The following CERS3 variants were observed in gnomAD, a reference collection of about 807,000 sequenced individuals.
CERS3 encodes ceramide synthase 3, also known as LAG1 homolog, ceramide synthase 3.
A neutral mutation model predicts 50.3 loss-of-function variants in CERS3; 33 were observed. That is an observed-to-expected ratio of 0.66 (90% confidence interval 0.50 to 0.88). CERS3 has a LOEUF of 0.88. Among genes scored for constraint, CERS3 ranks in the 40% least tolerant of loss-of-function variants. CERS3 has a pLI of 0.00. For missense variants in CERS3, 470 were observed against 460.3 expected, an observed-to-expected ratio of 1.02 and a Z score of -0.19; for synonymous variants, 176 against 155.2, an observed-to-expected ratio of 1.13 and a Z score of -0.99.
rs761337859 is a variant in CERS3 at position 100,479,498 on chromosome 15, A to G, written c.466-20T>C. 5.7e-6 allele frequency: 9 copies of G among 1,582,484 alleles called. No homozygotes were observed. The highest frequency in any genetic ancestry group is 4.1e-5 in the African/African-American group (3 of 72,742). ...AGGTTTCTGAAAGAAGAAAAAAAAA[A>G]AGAGCCAACAGATGAGAAATAAATT... On this transcript the variant is annotated intron_variant, in intron 6 of 11. Transcript: ENST00000679737.
At chr15:100,413,017 A>G (rs1596610443) in intron 11 of CERS3, among the ~76,000 whole-genome samples, 1 of 152,188 alleles carries the variant, frequency 6.6e-6, no homozygotes, top group East Asian at 1.9e-4. Context: ...AAATGCATAG[A>G]TTTTTTTCAT....
At chr15:100,441,745 A>G (rs1461742496) in intron 11 of CERS3, among the ~76,000 whole-genome samples, 2 of 152,118 alleles carry the variant, frequency 1.3e-5, no homozygotes, top group Admixed American at 6.5e-5. Flanking sequence ...TTCTTTTCGT[A>G]AAATAGGCAA....
intron 7 of CERS3, among the ~76,000 whole-genome samples, chr15:100,476,429 C>T (rs1345164363): frequency 1.3e-5 from 2 of 152,090 alleles, no homozygotes; most frequent in South Asian, 2.1e-4. Context: ...AATACAACTG[C>T]CACAGGTGTA....
At chr15:100,495,479 C>T (rs1367599985) in intron 3 of CERS3, among the ~76,000 whole-genome samples, 1 of 152,142 alleles carries the variant, frequency 6.6e-6, no homozygotes, top group African/African-American at 2.4e-5. Context: ...CTTACTCTGA[C>T]ATTTTTGCTA....
intron 5 of CERS3, among the ~76,000 whole-genome samples, chr15:100,483,366 C>T (rs565066867): frequency 7.1e-4 from 108 of 152,252 alleles, no homozygotes; most frequent in African/African-American, 2.6e-3. Context: ...ATGTTACCCC[C>T]TTCTTAAAAT....
chr15:100,449,361 C>T (rs542103111), intron 11 of CERS3, among the ~76,000 whole-genome samples: 5 of 152,336 alleles, frequency 3.3e-5, no homozygotes, highest in Non-Finnish European at 5.9e-5. Context: ...ATTGCCCATG[C>T]CACAGCTTCT....
At chr15:100,468,544 G>A (rs989229613) in intron 10 of CERS3, among the ~76,000 whole-genome samples, 2 of 152,200 alleles carry the variant, frequency 1.3e-5, no homozygotes, top group African/African-American at 4.8e-5. Flanking sequence ...CCTGGAACTT[G>A]AGTCTCCATC....
chr15:100,474,193 T>C (rs934821534), intron 8 of CERS3, among the ~76,000 whole-genome samples: 3 of 152,170 alleles, frequency 2.0e-5, no homozygotes, highest in African/African-American at 7.2e-5. Context: ...ACACAAATGT[T>C]CTAAAATTGA....
chr15:100,516,873 A>G (rs76850021), intron 2 of CERS3, among the ~76,000 whole-genome samples: 1 of 152,248 alleles, frequency 6.6e-6, no homozygotes, highest in African/African-American at 2.4e-5. Flanking sequence ...GAATGCCCAG[A>G]TCTCCCTCCC....
chr15:100,460,390 A>T (rs936790395), intron 10 of CERS3, among the ~76,000 whole-genome samples: 1 of 152,062 alleles, frequency 6.6e-6, no homozygotes, highest in Non-Finnish European at 1.5e-5. Context: ...AGGGACCAAA[A>T]CCCCTAAACT....
intron 10 of CERS3, among the ~76,000 whole-genome samples, chr15:100,467,762 TCTC>T (rs2034799840): frequency 2.5e-5 from 3 of 122,144 alleles, no homozygotes; most frequent in Non-Finnish European, 5.2e-5. Context: ...TCTCTCTCTC[TCTC>T]TCTCTATATA....
At position 100,440,479 on chromosome 15, in the gene CERS3, A is replaced by G. The variant is rs149089562; in HGVS notation, c.999+15414T>C. ...CCTTTACCTACCCAAATCCTATAAA[A>G]CGGCCCCACCCCTATCTCCCTTCAC... is the stretch of plus-strand genomic sequence containing the variant. On this transcript the variant is annotated intron_variant, in intron 11 of 11. Transcript: ENST00000679737. 9.9e-3 allele frequency among the ~76,000 whole-genome samples: 1,506 copies of G among 152,010 alleles called. 21 individuals carry two copies. Among genetic ancestry groups the G allele is most frequent in the Non-Finnish European group, 0.016 (1,119 of 67,952 alleles).
At position 100,401,525 on chromosome 15, in the gene CERS3, A is replaced by G. The variant is rs2030534736; in HGVS notation, c.*1188T>C. 6.6e-6 allele frequency: 1 copy of G among 152,088 alleles called. No individual in the cohort carries two copies. Among genetic ancestry groups the G allele is most frequent in the South Asian group, 2.1e-4 (1 of 4,810 alleles). 9.4% of individuals were successfully genotyped at this position (152,088 alleles called of 1,614,324 possible). A position where few individuals can be genotyped will look rare whatever the true frequency, so the allele number is the denominator to read the frequency against. On this transcript the variant is annotated 3_prime_UTR_variant, in exon 12 of 12. Transcript: ENST00000679737. ...CTGACTCTAGCACCTGCCCTTAAAC[A>G]TTTCTCAGGGGTATGCCTTTTATGG...
At chr15:100,435,236 C>T (rs2033343698) in intron 11 of CERS3, among the ~76,000 whole-genome samples, 1 of 152,186 alleles carries the variant, frequency 6.6e-6, no homozygotes, top group Admixed American at 6.5e-5. Context: ...CTTTAGCACA[C>T]TGGAGCTAAT....
intron 10 of CERS3, among the ~76,000 whole-genome samples, chr15:100,467,885 A>ACGTG (rs2034835266): frequency 2.3e-5 from 1 of 43,396 alleles, no homozygotes; most frequent in Admixed American, 2.1e-4. Flanking sequence ...ATAGATATAG[A>ACGTG]TATAGATATA....
intron 10 of CERS3, among the ~76,000 whole-genome samples, chr15:100,465,820 G>T (rs140348850): frequency 4.6e-5 from 7 of 151,948 alleles, no homozygotes; most frequent in African/African-American, 1.5e-4. Flanking sequence ...CATCACACCC[G>T]GCTAATTTTT....
intron 1 of CERS3, among the ~76,000 whole-genome samples, chr15:100,537,180 T>TA (rs113497289): frequency 2.6e-5 from 4 of 152,142 alleles, no homozygotes; most frequent in Admixed American, 6.5e-5. Context: ...GTGGGATTTT[T>TA]AAAAAAGCAC....
intron 11 of CERS3, 100 bp from the exon 12 acceptor site, chr15:100,402,965 A>C: frequency 8.4e-7 from 1 of 1,186,140 alleles, no homozygotes; most frequent in Non-Finnish European, 1.2e-6. Context: ...CCTTTAAGGA[A>C]AACCCAATAT....
intron 11 of CERS3, chr15:100,437,936 T>C (rs1354560493): frequency 6.6e-6 from 1 of 151,994 alleles, no homozygotes; most frequent in Non-Finnish European, 1.5e-5. Context: ...AAAAACAAAA[T>C]ATTTTCTTAT....
Sources: allele counts gnomAD v4.1 joint callset (sites outside exome capture counted in the v4.1 genomes callset), GRCh38; gene constraint gnomAD v4.1.1; transcripts MANE v1.5; gene names NCBI Gene and HGNC (gene_info 2026-07-23, HGNC 2026-07-21).